PPP1R37: variants seen among roughly 807,000 people sequenced by gnomAD.
The protein encoded by PPP1R37 is protein phosphatase 1 regulatory subunit 37.
A neutral mutation model predicts 61.0 loss-of-function variants in PPP1R37; 21 were observed. That is an observed-to-expected ratio of 0.34 (90% confidence interval 0.24 to 0.50). PPP1R37 has a LOEUF of 0.50. PPP1R37 is among the 20% of genes least tolerant of loss of function. The pLI is 0.98. For synonymous variants in PPP1R37, 443 were observed against 433.5 expected, an observed-to-expected ratio of 1.02 and a Z score of -0.27; for missense variants, 910 against 952.7, an observed-to-expected ratio of 0.96 and a Z score of 0.59.
intron 1 of PPP1R37, among the ~76,000 whole-genome samples, chr19:45,096,956 A>G (rs988534307): frequency 6.8e-6 from 1 of 147,580 alleles, no homozygotes; most frequent in South Asian, 2.2e-4. Flanking sequence ...GTTTGGACAA[A>G]GGGATTTGCA....
intron 1 of PPP1R37, chr19:45,137,043 G>GC (rs141051163): frequency 0.092 from 13,684 of 148,402 alleles, 832 homozygotes; most frequent in Non-Finnish European, 0.14. Flanking sequence ...AGGGCGAGGG[G>GC]CCCCCCCCCC....
At chr19:45,093,937 G>A (rs1478063456) in intron 1 of PPP1R37, among the ~76,000 whole-genome samples, 2 of 152,214 alleles carry the variant, frequency 1.3e-5, no homozygotes, top group Non-Finnish European at 2.9e-5. Context: ...ATGGGTCTAT[G>A]GGGGTAAAAA....
At chr19:45,120,014 C>CTT (rs11312138) in intron 1 of PPP1R37, among the ~76,000 whole-genome samples, 57 of 83,560 alleles carry the variant, frequency 6.8e-4, no homozygotes, top group Middle Eastern at 8.3e-3. Context: ...TTTTCCCCTT[C>CTT]TTTTTTTTTT....
chr19:45,142,498 G>A, intron 7 of PPP1R37, 40 bp downstream of exon 7: 1 of 1,527,934 alleles, frequency 6.5e-7, no homozygotes, highest in Non-Finnish European at 8.8e-7. Context: ...CCGTCACCCA[G>A]CACCCACTCT....
chr19:45,120,274 C>T lies in PPP1R37; in HGVS notation c.203-18240C>T, dbSNP rs1599700034. On this transcript the variant is annotated intron_variant, in intron 1 of 12. Coordinates refer to ENST00000221462, the MANE Select transcript of PPP1R37 (RefSeq NM_019121.2). Reference sequence around the variant, plus strand: ...CCTTGTGATCCGCCCACCTTAGCCTCCCAAAGTGCTGGGATTAGAGGCGTG... The same window carrying T: ...CCTTGTGATCCGCCCACCTTAGCCTTCCAAAGTGCTGGGATTAGAGGCGTG... 2.0e-5 allele frequency among the ~76,000 whole-genome samples: 3 copies of T among 152,170 alleles called. 1 individual carries two copies. In the South Asian group the frequency reaches 6.2e-4, roughly 32 times the overall value.
intron 1 of PPP1R37, among the ~76,000 whole-genome samples, chr19:45,111,503 C>T (rs531217245): frequency 3.9e-5 from 6 of 152,286 alleles, no homozygotes; most frequent in South Asian, 4.1e-4. Flanking sequence ...TCTCGAATCC[C>T]GACCTCAGGT....
At chr19:45,112,326 C>A (rs1056261340) in intron 1 of PPP1R37, among the ~76,000 whole-genome samples, 14 of 152,238 alleles carry the variant, frequency 9.2e-5, no homozygotes, top group African/African-American at 3.4e-4. Context: ...TGATACATTT[C>A]ACCTGGGGCG....
intron 1 of PPP1R37, among the ~76,000 whole-genome samples, chr19:45,118,655 G>A (rs1357565269): frequency 6.6e-6 from 1 of 152,200 alleles, no homozygotes; most frequent in Non-Finnish European, 1.5e-5. Context: ...ACTTGTGCCA[G>A]GAGCCCCAGC....
chr19:45,141,625 C>T (rs74800725), intron 5 of PPP1R37, among the ~76,000 whole-genome samples, 184 bp downstream of exon 5: 1,580 of 152,340 alleles, frequency 0.01, 26 homozygotes, highest in African/African-American at 0.036. Context: ...CCCCAGGCCC[C>T]CTGGCCCCTT....
Position 45,137,458 on chromosome 19 carries a change from C to T in PPP1R37, c.203-1056C>T, listed in dbSNP as rs978557551. Reference sequence around the variant, plus strand: ...AGATAGAAAGCCCAGCCCTCCCTTCCGCATGGTGGCGGCTGTGGCCCTCCA... The same window carrying T: ...AGATAGAAAGCCCAGCCCTCCCTTCTGCATGGTGGCGGCTGTGGCCCTCCA... On this transcript the variant is annotated intron_variant, in intron 1 of 12. Transcript: ENST00000221462. 5.9e-5 allele frequency among the ~76,000 whole-genome samples: 9 copies of T among 151,670 alleles called. No individual in the cohort carries two copies. The East Asian group carries it at 1.4e-3, about 23-fold the overall frequency.
intron 1 of PPP1R37, among the ~76,000 whole-genome samples, chr19:45,101,456 G>A (rs1968061504): frequency 6.6e-6 from 1 of 152,214 alleles, no homozygotes; most frequent in African/African-American, 2.4e-5. Flanking sequence ...GGGGGCTCAC[G>A]CCTGTCATCC....
intron 1 of PPP1R37, among the ~76,000 whole-genome samples, chr19:45,104,692 T>C (rs1968107340): frequency 2.6e-5 from 4 of 152,006 alleles, no homozygotes; most frequent in African/African-American, 9.7e-5. Flanking sequence ...CCTGCTGCCT[T>C]TCCCTCTGAT....
At chr19:45,097,086 GA>G (rs1415615770) in intron 1 of PPP1R37, among the ~76,000 whole-genome samples, 1 of 152,072 alleles carries the variant, frequency 6.6e-6, no homozygotes, top group Non-Finnish European at 1.5e-5. Context: ...TCGCCAGGGT[GA>G]AGAGGAATCG....
In PPP1R37 at chr19:45,144,838, C is replaced by T; in HGVS notation, c.988-16C>T. ...CATCACGGCCTCCTCCTCACCCTCACACCCCCTCCCTCCAGCCGCACACTC... is the reference window on the plus strand; with the variant it reads ...CATCACGGCCTCCTCCTCACCCTCATACCCCCTCCCTCCAGCCGCACACTC... On this transcript the variant is annotated splice_polypyrimidine_tract_variant and intron_variant, in intron 8 of 12. Coordinates refer to ENST00000221462, the MANE Select transcript of PPP1R37 (RefSeq NM_019121.2). 2.0e-6 allele frequency: 3 copies of T among 1,522,322 alleles called. No individual in the cohort carries two copies. Among genetic ancestry groups the T allele is most frequent in the Middle Eastern group, 1.7e-4 (1 of 5,944 alleles). The allele number at this position is 1,522,322 out of a possible 1,614,324, so 94.3% of individuals were successfully genotyped here.
rs1414126605 is a variant in PPP1R37, at chr19:45,142,084, C to T, written c.591C>T (p.Asp197=). 12 of 1,526,748 alleles carry T rather than the reference C, an allele frequency of 7.9e-6. No homozygotes were observed. The East Asian group carries it at 1.2e-4, about 16-fold the overall frequency. 94.6% of individuals were successfully genotyped at this position (1,526,748 alleles called of 1,614,324 possible). The part of the protein sequence containing the change: ...MRKTSCLQYL[D]ARNTPLLDHS... The stretch of plus-strand genomic sequence containing the variant: ...AGACGAGCTGCCTGCAGTATCTGGA[C>T]GCCCGCAACACGCCCCTGCTGGACC... Residue 197 remains aspartate, a synonymous_variant, in exon 6 of 13, where the codon GAC becomes GAT. Transcript: ENST00000221462.
intron 1 of PPP1R37, among the ~76,000 whole-genome samples, chr19:45,127,992 A>AAAAAAAAT (rs1568446812): frequency 1.3e-5 from 2 of 151,442 alleles, no homozygotes; most frequent in Non-Finnish European, 3.0e-5. Context: ...AAAAAAAAAA[A>AAAAAAAAT]AGATAAATGT....
intron 1 of PPP1R37, among the ~76,000 whole-genome samples, chr19:45,105,975 C>T (rs1968124885): frequency 6.6e-6 from 1 of 152,250 alleles, no homozygotes; most frequent in African/African-American, 2.4e-5. Flanking sequence ...CTGACAGTGG[C>T]CTGATCCTGT....
In PPP1R37 at chr19:45,093,210, G is replaced by A; in HGVS notation, c.-116G>A. 6 of 852,384 alleles carry A rather than the reference G, an allele frequency of 7.0e-6. No homozygotes were observed. The highest frequency in any genetic ancestry group is 9.7e-6 in the Non-Finnish European group (6 of 618,102). The allele number at this position is 852,384 out of a possible 1,614,324, so 52.8% of individuals were successfully genotyped here. Reference sequence around the variant, plus strand: ...TACGACCACTAGGAGAGCGGACGGAGGCGGCGCCTGAAGCGGCGGCGGAGC... The same window carrying A: ...TACGACCACTAGGAGAGCGGACGGAAGCGGCGCCTGAAGCGGCGGCGGAGC... On this transcript the variant is annotated 5_prime_UTR_variant, in exon 1 of 13. Transcript: ENST00000221462.
intron 1 of PPP1R37, among the ~76,000 whole-genome samples, chr19:45,120,725 C>T (rs764353692): frequency 1.3e-5 from 2 of 152,086 alleles, no homozygotes; most frequent in Non-Finnish European, 2.9e-5. Flanking sequence ...CAGGTTCAAG[C>T]GATTCTCCTC....
Sources: allele counts gnomAD v4.1 joint callset (sites outside exome capture counted in the v4.1 genomes callset), GRCh38; gene constraint gnomAD v4.1.1; transcripts MANE v1.5; gene names NCBI Gene and HGNC (gene_info 2026-07-23, HGNC 2026-07-21).